The following AKT2 variants were observed in gnomAD, a reference collection of about 807,000 sequenced individuals.
The protein encoded by AKT2 is AKT serine/threonine kinase 2, also known as RAC-beta serine/threonine-protein kinase.
AKT2 carries 16 observed loss-of-function variants against 58.6 expected under a neutral mutation model. The ratio of observed to expected loss-of-function variants is 0.27; its 90% CI spans 0.18 to 0.41. AKT2 has a LOEUF of 0.41. Ranked by LOEUF, AKT2 falls within the 10% of genes least tolerant of loss-of-function variation. AKT2 has a pLI of 1.00. For synonymous variants in AKT2, 253 were observed against 254.0 expected (o/e 1.00, Z 0.04); for missense variants, 438 against 661.0 (o/e 0.66, Z 3.70).
At position 40,238,760 on chromosome 19, in the gene AKT2, G is replaced by A. The variant is rs763911580; in HGVS notation, c.708+145C>T. The A allele has an allele frequency of 4.6e-6, 4 of 862,628 alleles. No individual in the cohort carries two copies. The African/African-American group carries it at 5.0e-5, about 11-fold the overall frequency. The allele number at this position is 862,628 out of a possible 1,614,324, so 53.4% of individuals were successfully genotyped here. A position where few individuals can be genotyped will look rare whatever the true frequency, so the allele number is the denominator to read the frequency against. ...GTGACTGCCCCCCCAAAATGGAGAC[G>A]AAGCCGCCTGCCTCAAGGGAGAGGG... is the stretch of plus-strand genomic sequence containing the variant. On this transcript the variant is annotated intron_variant, in intron 8 of 13. Transcript: ENST00000392038. This position sits in a 1 kb window ranked among gnomAD's most constrained non-coding sequence, Gnocchi z 5.1.
rs777133406 is a variant in AKT2, at chr19:40,241,927, G to A, written c.573+11C>T. ...ACAGAGGCTCGCGAGCGCAATTCCC[G>A]GGGCACGCACCTTGGCAATGATGAC... On this transcript the variant is annotated intron_variant, in intron 6 of 13. Transcript: ENST00000392038. 55 of 1,613,510 alleles carry A rather than the reference G, an allele frequency of 3.4e-5. No homozygotes were observed. Among genetic ancestry groups the A allele is most frequent in the Admixed American group, 1.3e-4 (8 of 60,008 alleles).
chr19:40,279,588 G>C (rs999898647), intron 1 of AKT2: 1 of 151,604 alleles, frequency 6.6e-6, no homozygotes, highest in East Asian at 1.9e-4. Context: ...GGGCCTTCTG[G>C]AGACCCTAGT....
At chr19:40,281,062 C>T (rs370287058) in intron 1 of AKT2, among the ~76,000 whole-genome samples, 15 of 152,308 alleles carry the variant, frequency 9.8e-5, no homozygotes, top group African/African-American at 3.1e-4. Flanking sequence ...CTCCACAATA[C>T]CCTTAGGATC....
intron 2 of AKT2, among the ~76,000 whole-genome samples, chr19:40,257,727 T>A (rs1975642543): frequency 6.6e-6 from 1 of 151,950 alleles, no homozygotes; most frequent in African/African-American, 2.4e-5. Flanking sequence ...ATAACAGCCA[T>A]CGAGTGGAAA....
At chr19:40,248,831 G>A (rs1241768275) in intron 4 of AKT2, among the ~76,000 whole-genome samples, 6 of 148,874 alleles carry the variant, frequency 4.0e-5, no homozygotes, top group African/African-American at 1.3e-4. Flanking sequence ...AGGAGATGAG[G>A]ACAGAGAGGA....
Position 40,231,277 on chromosome 19 carries a change from C to A in AKT2, c.*2595G>T. 4.3e-6 allele frequency: 1 copy of A among 232,288 alleles called. No individual in the cohort carries two copies. Among genetic ancestry groups the A allele is most frequent in the Non-Finnish European group, 8.5e-6 (1 of 117,478 alleles). 14.4% of individuals were successfully genotyped at this position (232,288 alleles called of 1,614,324 possible). A position where few individuals can be genotyped will look rare whatever the true frequency, so the allele number is the denominator to read the frequency against. ...GGTAGCCAGGCCTGTGCCCACACTA[C>A]GAGACCTGCATCACCATGGTGTGAG... On this transcript the variant is annotated 3_prime_UTR_variant, in exon 14 of 14. Coordinates refer to ENST00000392038, the MANE Select transcript of AKT2 (RefSeq NM_001626.6).
intron 1 of AKT2, among the ~76,000 whole-genome samples, chr19:40,276,939 C>T (rs2077337553): frequency 6.6e-6 from 1 of 152,222 alleles, no homozygotes; most frequent in African/African-American, 2.4e-5. Flanking sequence ...GGGAGGACCA[C>T]TTGAGCCAGT....
chr19:40,270,562 C>T (rs1473778921), intron 1 of AKT2: 1 of 152,298 alleles, frequency 6.6e-6, no homozygotes, highest in Non-Finnish European at 1.5e-5. Context: ...AGATCTGCGT[C>T]TCTTGGAGCT....
In AKT2 at chr19:40,242,218, G is replaced by T; in HGVS notation, c.442-149C>A. ...AAGGGAGGCTCTGGGCAGCAACTGT[G>T]TGTTCTGAAGCGGCCTTCAGACCAG... On this transcript the variant is annotated intron_variant, in intron 5 of 13. Transcript: ENST00000392038. The surrounding 1 kb of genome is among the most constrained non-coding windows in gnomAD (Gnocchi z 4.3). The T allele has an allele frequency of 8.3e-7, 1 of 1,199,628 alleles. No individual in the cohort carries two copies. The highest frequency in any genetic ancestry group is 1.2e-6 in the Non-Finnish European group (1 of 838,912). 74.3% of individuals were successfully genotyped at this position (1,199,628 alleles called of 1,614,324 possible).
chr19:40,247,493 C>T (rs1600011503), intron 4 of AKT2, among the ~76,000 whole-genome samples: 3 of 152,222 alleles, frequency 2.0e-5, no homozygotes, highest in Non-Finnish European at 4.4e-5. Flanking sequence ...ACCCGCCTGT[C>T]CCTGAGCCTC....
At chr19:40,246,060 CA>C (rs1326615374) in intron 4 of AKT2, among the ~76,000 whole-genome samples, 1 of 142,250 alleles carries the variant, frequency 7.0e-6, no homozygotes, top group Non-Finnish European at 1.5e-5. Context: ...GCCTAATTCC[CA>C]AACCCTACAC....
rs539493139 is a variant in AKT2 at position 40,238,614 on chromosome 19, A to T, written c.708+291T>A. 6.6e-6 allele frequency among the ~76,000 whole-genome samples: 1 copy of T among 152,164 alleles called. No homozygotes were observed. The highest frequency in any genetic ancestry group is 2.4e-5 in the African/African-American group (1 of 41,520). On this transcript the variant is annotated intron_variant, in intron 8 of 13. Coordinates refer to ENST00000392038, the MANE Select transcript of AKT2 (RefSeq NM_001626.6). The surrounding 1 kb of genome is among the most constrained non-coding windows in gnomAD (Gnocchi z 5.1). ...GGCTTTCTCTGGGGCCTTTAAGACCATCCTTCCCAGTGCTATCGCCCCACA... is the reference window on the plus strand; with the variant it reads ...GGCTTTCTCTGGGGCCTTTAAGACCTTCCTTCCCAGTGCTATCGCCCCACA...
intron 1 of AKT2, 38 bp downstream of exon 1, chr19:40,285,143 T>A (rs1001541809): frequency 5.1e-6 from 2 of 390,662 alleles, no homozygotes; most frequent in Non-Finnish European, 9.0e-6. Flanking sequence ...GCGACCATCG[T>A]GGGGGGGGCG....
Position 40,236,105 on chromosome 19 carries a change from C to CT in AKT2, c.961-2dup, listed in dbSNP as rs989926803. 6.2e-7 allele frequency: 1 copy of CT among 1,613,944 alleles called. No individual in the cohort carries two copies. Among genetic ancestry groups the CT allele is most frequent in the Admixed American group, 1.7e-5 (1 of 60,008 alleles). On this transcript the variant is annotated splice_acceptor_variant, in intron 10 of 13. Transcript: ENST00000392038. LOFTEE classifies it high-confidence loss of function. ...GGCCATAGTCATTGTCCTCCAGCAC[C>CT]TGAGGATGGAGGAGAAATGAGGGCT...
At chr19:40,250,256 A>G (rs1288040737) in intron 4 of AKT2, among the ~76,000 whole-genome samples, 1 of 152,118 alleles carries the variant, frequency 6.6e-6, no homozygotes, top group Non-Finnish European at 1.5e-5. Context: ...TAATCCCAGC[A>G]TTTTGGGAGG....
intron 4 of AKT2, among the ~76,000 whole-genome samples, chr19:40,250,120 A>T (rs1328797204): frequency 6.6e-6 from 1 of 151,998 alleles, no homozygotes; most frequent in African/African-American, 2.4e-5. Flanking sequence ...ATCATACAGG[A>T]CTCTGCAGGA....
rs1326579821 is a variant in AKT2, at chr19:40,285,339, G to C, written c.-243C>G. ...TCCTCCGAGGCAGGCCCAACGGCTA[G>C]CACGGCGCGGCCCCCCCCGCCCCCT... On this transcript the variant is annotated 5_prime_UTR_variant, in exon 1 of 14. Transcript: ENST00000392038. 9 of 391,196 alleles carry C rather than the reference G, an allele frequency of 2.3e-5. No homozygotes were observed. The highest frequency in any genetic ancestry group is 3.2e-5 in the Non-Finnish European group (7 of 221,458). 24.2% of individuals were successfully genotyped at this position (391,196 alleles called of 1,614,324 possible).
At chr19:40,252,464 T>C (rs1227976180) in intron 4 of AKT2, among the ~76,000 whole-genome samples, 2 of 152,172 alleles carry the variant, frequency 1.3e-5, no homozygotes, top group Non-Finnish European at 2.9e-5. Context: ...CTAAAACACC[T>C]TGTCAGCTCC....
chr19:40,275,029 C>T (rs577594562), intron 1 of AKT2: 2 of 456,008 alleles, frequency 4.4e-6, no homozygotes, highest in Admixed American at 2.3e-5. Context: ...TCACCACCTG[C>T]CTCACTTGAG....
Sources: gnomAD v4.1 joint callset for allele counts (sites outside exome capture counted in the v4.1 genomes callset) on GRCh38, gnomAD v4.1.1 for gene constraint, Gnocchi (gnomAD v3.1) non-coding constraint, MANE v1.5 for transcripts, NCBI Gene and HGNC (gene_info 2026-07-23, HGNC 2026-07-21) for gene names.